Variants in PCDHGA3 observed in about 807,000 individuals in gnomAD.
PCDHGA3 encodes protocadherin gamma subfamily A, 3, also known as protocadherin gamma-A3.
Under a neutral mutation model 58.5 loss-of-function variants are expected in PCDHGA3, and 40 were observed. That is an observed-to-expected ratio of 0.68 (90% CI 0.53 to 0.89). The LOEUF (loss-of-function observed/expected upper bound fraction) is 0.89, where lower values mean the gene tolerates loss of function less well. Ranked by LOEUF, PCDHGA3 falls within the 40% of genes least tolerant of loss-of-function variation. The pLI, the probability that PCDHGA3 is intolerant of heterozygous loss-of-function variation, is 0.00. For synonymous variants in PCDHGA3, 530 were observed against 525.7 expected (o/e 1.01, Z -0.11); for missense variants, 1,223 against 1,195.9 (o/e 1.02, Z -0.33).
intron 1 of PCDHGA3, chr5:141,374,909 G>A (rs1357561534): frequency 6.2e-7 from 1 of 1,613,824 alleles, no homozygotes; most frequent in East Asian, 2.2e-5. Flanking sequence ...AGTCCACGGG[G>A]AAGTAACTTA....
chr5:141,414,850 C>T, intron 1 of PCDHGA3: 1 of 1,614,212 alleles, frequency 6.2e-7, no homozygotes, highest in Non-Finnish European at 8.5e-7. Flanking sequence ...TGTGCTGGAC[C>T]AGAACGACAA....
At chr5:141,426,453 G>A (rs902416171) in intron 1 of PCDHGA3, 4 of 310,612 alleles carry the variant, frequency 1.3e-5, no homozygotes, top group African/African-American at 8.6e-5. Flanking sequence ...ACATGCGGCT[G>A]CATGTTCAGG....
chr5:141,393,001 G>A (rs775192271), intron 1 of PCDHGA3: 1 of 1,613,908 alleles, frequency 6.2e-7, no homozygotes, highest in South Asian at 1.1e-5. Flanking sequence ...GCGAAGCACG[G>A]AGTCCGTATC....
At position 141,476,418 on chromosome 5, in the gene PCDHGA3, T is replaced by G. The variant is rs201255025; in HGVS notation, c.2425-18389T>G. ...GATCGAGAGGAGCTGTGTGGGACAC[T>G]GCCCTCTTGCACTGTAACTCTGGAG... On this transcript the variant is annotated intron_variant, in intron 1 of 3. Transcript: ENST00000253812. This position sits in a 1 kb window ranked among gnomAD's most constrained non-coding sequence, Gnocchi z 7.6. 8 of 1,614,122 alleles carry G rather than the reference T, an allele frequency of 5.0e-6. No homozygotes were observed. The highest frequency in any genetic ancestry group is 1.6e-4 in the Middle Eastern group (1 of 6,062).
At chr5:141,396,944 G>A (rs983363091) in intron 1 of PCDHGA3, among the ~76,000 whole-genome samples, 1 of 152,166 alleles carries the variant, frequency 6.6e-6, no homozygotes, top group African/African-American at 2.4e-5. Context: ...GCCCTGGTAG[G>A]AAAGAAAATC....
Position 141,505,441 on chromosome 5 carries a change from C to A in PCDHGA3, c.2532C>A (p.Asp844Glu), listed in dbSNP as rs2099846055. 6.2e-7 allele frequency: 1 copy of A among 1,614,084 alleles called. No individual in the cohort carries two copies. Among genetic ancestry groups the A allele is most frequent in the Non-Finnish European group, 8.5e-7 (1 of 1,180,024 alleles). Reference sequence around the variant, plus strand: ...GCACCTGGCCCAACAACCAGTTTGACACAGAGATGCTGCAAGCCATGATCT... The same window carrying A: ...GCACCTGGCCCAACAACCAGTTTGAAACAGAGATGCTGCAAGCCATGATCT... ...DTGTWPNNQFDTEMLQAMILA... is the reference protein window; with the variant it reads ...DTGTWPNNQFETEMLQAMILA... Residue 844 changes from aspartate to glutamate, a missense_variant, in exon 3 of 4, where the codon GAC becomes GAA. Transcript: ENST00000253812.
At chr5:141,383,436 C>T in intron 1 of PCDHGA3, 1 of 1,613,968 alleles carries the variant, frequency 6.2e-7, no homozygotes, top group Non-Finnish European at 8.5e-7. Flanking sequence ...GCCACTTCTC[C>T]CTGGCTGTGC....
At chr5:141,374,172 A>G (rs1770228418) in intron 1 of PCDHGA3, 1 of 1,613,330 alleles carries the variant, frequency 6.2e-7, no homozygotes, top group Non-Finnish European at 8.5e-7. Context: ...GCGGCAGCGC[A>G]GATCCGCTAC....
intron 1 of PCDHGA3, chr5:141,372,483 G>C: frequency 1.2e-6 from 2 of 1,614,028 alleles, no homozygotes; most frequent in Non-Finnish European, 1.7e-6. Flanking sequence ...AGTGGCGTTG[G>C]CCTTGATCTC....
chr5:141,394,253 C>A (rs771138606), intron 1 of PCDHGA3: 1 of 1,613,986 alleles, frequency 6.2e-7, no homozygotes, highest in Admixed American at 1.7e-5. Flanking sequence ...ACGACCCCGA[C>A]AGCCAGGAGA....
intron 1 of PCDHGA3, chr5:141,478,174 G>GA (rs1156842877): frequency 3.7e-6 from 6 of 1,613,692 alleles, no homozygotes; most frequent in South Asian, 1.1e-5. Context: ...CCCGGGAGCA[G>GA]AAAAAAAATC....
At chr5:141,353,398 T>C (rs1420733789) in intron 1 of PCDHGA3, among the ~76,000 whole-genome samples, 1 of 152,248 alleles carries the variant, frequency 6.6e-6, no homozygotes. Context: ...ATGTAATTAA[T>C]GTAATCTTCA....
intron 1 of PCDHGA3, chr5:141,422,819 T>C (rs369004166): frequency 2.5e-6 from 4 of 1,614,068 alleles, no homozygotes; most frequent in Non-Finnish European, 2.5e-6. Flanking sequence ...GACTTAGAAC[T>C]GAGAGTGATA....
chr5:141,472,335 A>T (rs1033984936), intron 1 of PCDHGA3, among the ~76,000 whole-genome samples: 38 of 151,784 alleles, frequency 2.5e-4, no homozygotes, highest in Non-Finnish European at 2.5e-4. Context: ...AGGTTGGGAG[A>T]TCGAGACCAT....
chr5:141,351,760 C>T (rs1758809772), intron 1 of PCDHGA3: 1 of 1,613,598 alleles, frequency 6.2e-7, no homozygotes. Flanking sequence ...TGTTGTCCTA[C>T]GTGTCCGTGA....
intron 1 of PCDHGA3, chr5:141,383,606 A>G (rs368778165): frequency 6.2e-7 from 1 of 1,613,768 alleles, no homozygotes; most frequent in Non-Finnish European, 8.5e-7. Flanking sequence ...GTGGATGTGA[A>G]TGACCACACG....
chr5:141,429,379 T>G (rs573911129), intron 1 of PCDHGA3, among the ~76,000 whole-genome samples: 5 of 151,382 alleles, frequency 3.3e-5, no homozygotes, highest in East Asian at 1.9e-4. Context: ...GAAAATGTGT[T>G]TTTTTTTTAA....
At chr5:141,433,202 T>C (rs1433315739) in intron 1 of PCDHGA3, 2 of 1,578,202 alleles carry the variant, frequency 1.3e-6, no homozygotes, top group Non-Finnish European at 1.7e-6. Context: ...ATATCAAATC[T>C]TCTTTCTTTT....
At chr5:141,419,290 T>C (rs1160812369) in intron 1 of PCDHGA3, 1 of 1,613,914 alleles carries the variant, frequency 6.2e-7, no homozygotes, top group African/African-American at 1.3e-5. Context: ...TCAGTGCCTC[T>C]GACCCAGACT....
Sources: gnomAD v4.1 joint callset for allele counts (sites outside exome capture counted in the v4.1 genomes callset) on GRCh38, gnomAD v4.1.1 for gene constraint, Gnocchi (gnomAD v3.1) non-coding constraint, MANE v1.5 for transcripts, NCBI Gene and HGNC (gene_info 2026-07-23, HGNC 2026-07-21) for gene names.